Variants in INTU observed in about 807,000 individuals in gnomAD.
INTU encodes the protein protein inturned.
INTU carries 68 observed loss-of-function variants against 100.5 expected under a neutral mutation model. That is an observed-to-expected ratio of 0.68 (90% CI 0.56 to 0.83). The LOEUF (loss-of-function observed/expected upper bound fraction) is 0.83, where lower values mean the gene tolerates loss of function less well. Among genes scored for constraint, INTU ranks in the 40% least tolerant of loss-of-function variants. The pLI, the probability that INTU is intolerant of heterozygous loss-of-function variation, is 0.00. For synonymous variants in INTU, 357 were observed against 395.7 expected, an observed-to-expected ratio of 0.90 and a Z score of 1.16; for missense variants, 1,071 against 1,114.7, an observed-to-expected ratio of 0.96 and a Z score of 0.56.
Position 127,687,771 on chromosome 4 carries a change from C to T in INTU, c.1353C>T (p.Ser451=), listed in dbSNP as rs764005741. ...RALQPAKLHS[S]ASPSAQQYDA... ...TTCAGCCTGCGAAACTGCATTCCAG[C>T]GCCAGTCCCAGTGCTCAGCAGTACG... The change falls in exon 8 of 16, where the codon AGC becomes AGT. Residue 451 remains serine, a synonymous_variant. Coordinates refer to ENST00000335251, the MANE Select transcript of INTU (RefSeq NM_015693.4). The T allele has an allele frequency of 1.3e-5, 21 of 1,613,290 alleles. No individual in the cohort carries two copies. Among genetic ancestry groups the T allele is most frequent in the African/African-American group, 4.0e-5 (3 of 74,892 alleles).
chr4:127,654,201 T>G (rs899516260), intron 2 of INTU, among the ~76,000 whole-genome samples: 59 of 152,060 alleles, frequency 3.9e-4, no homozygotes, highest in African/African-American at 1.4e-3. Flanking sequence ...GTCTTTTAAC[T>G]GGAGCATTTA....
intron 1 of INTU, among the ~76,000 whole-genome samples, chr4:127,638,901 G>A (rs946077182): frequency 2.0e-5 from 3 of 152,072 alleles, no homozygotes; most frequent in Admixed American, 1.3e-4. Flanking sequence ...TTTTGAAGGC[G>A]TATTTATATT....
chr4:127,708,306 G>A (rs1269876591), intron 12 of INTU, among the ~76,000 whole-genome samples: 1 of 152,098 alleles, frequency 6.6e-6, no homozygotes, highest in Admixed American at 6.6e-5. Context: ...TCTAGGGAGG[G>A]GAGACAAGTA....
In INTU at chr4:127,663,632, A is replaced by C; in HGVS notation, c.972+48A>C. The stretch of plus-strand genomic sequence containing the variant: ...AGGAAATAAGTTTAGTCAAAAGCCC[A>C]AAGGAAAAAGTAAGGACCTTTTATC... On this transcript the variant is annotated intron_variant, in intron 4 of 15. Transcript: ENST00000335251. The C allele has an allele frequency of 2.0e-6, 3 of 1,482,256 alleles. No individual in the cohort carries two copies. In the South Asian group the frequency reaches 3.5e-5, roughly 17 times the overall value. 91.8% of individuals were successfully genotyped at this position (1,482,256 alleles called of 1,614,324 possible).
At chr4:127,661,631 A>C (rs1333311999) in intron 3 of INTU, among the ~76,000 whole-genome samples, 1 of 152,104 alleles carries the variant, frequency 6.6e-6, no homozygotes, top group Non-Finnish European at 1.5e-5. Flanking sequence ...CCTAAAGCCC[A>C]ATGCCAGGGG....
intron 8 of INTU, among the ~76,000 whole-genome samples, chr4:127,692,627 G>A (rs1578613081): frequency 1.3e-5 from 2 of 152,108 alleles, no homozygotes; most frequent in East Asian, 1.9e-4. Flanking sequence ...TGTTGCATTT[G>A]CTTTTGGGTT....
intron 4 of INTU, among the ~76,000 whole-genome samples, chr4:127,666,077 T>C (rs1200730456): frequency 1.3e-5 from 2 of 152,216 alleles, no homozygotes; most frequent in African/African-American, 4.8e-5. Context: ...GTTCAGCTTT[T>C]AGTATTCTGT....
At chr4:127,691,210 T>C (rs980761589) in intron 8 of INTU, among the ~76,000 whole-genome samples, 2 of 152,220 alleles carry the variant, frequency 1.3e-5, no homozygotes, top group Admixed American at 6.5e-5. Context: ...TAATGCTGAA[T>C]AGTATTTCAT....
At chr4:127,687,567 A>G in intron 7 of INTU, 111 bp from the exon 8 acceptor site, 1 of 748,010 alleles carries the variant, frequency 1.3e-6, no homozygotes, top group Admixed American at 2.3e-5. Flanking sequence ...GGAAGAGAGG[A>G]GTGAGGAAGA....
intron 4 of INTU, among the ~76,000 whole-genome samples, chr4:127,664,271 G>A (rs1209153496): frequency 6.6e-6 from 1 of 152,016 alleles, no homozygotes; most frequent in Non-Finnish European, 1.5e-5. Flanking sequence ...TAAGTAAAAT[G>A]TTTAAGTTCA....
chr4:127,656,061 A>G lies in INTU; in HGVS notation c.683-575A>G, dbSNP rs187615684. On this transcript the variant is annotated intron_variant, in intron 2 of 15. Transcript: ENST00000335251. ...CCCCTTGCGCTTCCCAAGTGAGGCA[A>G]TGCCTCGCCCTGCTTTGGCTTGCAC... 1.5e-3 allele frequency among the ~76,000 whole-genome samples: 224 copies of G among 152,300 alleles called. 1 individual carries two copies. The East Asian group carries it at 0.015, about 10-fold the overall frequency.
intron 6 of INTU, among the ~76,000 whole-genome samples, chr4:127,679,287 C>G (rs1222625464): frequency 1.3e-5 from 2 of 152,164 alleles, no homozygotes; most frequent in Non-Finnish European, 2.9e-5. Context: ...GACCCCAAAT[C>G]AACAGAATAT....
chr4:127,674,707 T>G (rs1008071903), intron 6 of INTU, among the ~76,000 whole-genome samples: 3 of 152,196 alleles, frequency 2.0e-5, no homozygotes, highest in African/African-American at 7.2e-5. Flanking sequence ...TGTGAGTATT[T>G]TGAAGTATAC....
In INTU at chr4:127,633,013, C is replaced by T; in HGVS notation, c.-22C>T. 6.9e-6 allele frequency: 11 copies of T among 1,604,882 alleles called. No homozygotes were observed. Among genetic ancestry groups the T allele is most frequent in the Non-Finnish European group, 8.5e-6 (10 of 1,173,442 alleles). On this transcript the variant is annotated 5_prime_UTR_variant, in exon 1 of 16. Coordinates refer to ENST00000335251, the MANE Select transcript of INTU (RefSeq NM_015693.4). ...GCTGCGAGATTTGAATTACTCCACT[C>T]GTAGCTATTGCATTCCTGACGATGG...
intron 5 of INTU, among the ~76,000 whole-genome samples, chr4:127,673,921 G>GTT (rs372029639): frequency 7.2e-6 from 1 of 138,856 alleles, no homozygotes; most frequent in African/African-American, 2.6e-5. Context: ...CTGTTTTTTT[G>GTT]TTTTTTTTTT....
At chr4:127,688,386 A>G (rs1201146880) in intron 8 of INTU, among the ~76,000 whole-genome samples, 1 of 152,232 alleles carries the variant, frequency 6.6e-6, no homozygotes, top group Non-Finnish European at 1.5e-5. Flanking sequence ...ATATGATTTT[A>G]GTTATATCTG....
chr4:127,643,518 T>C lies in INTU; in HGVS notation c.147-3T>C, dbSNP rs1464134633. 5 of 1,578,668 alleles carry C rather than the reference T, an allele frequency of 3.2e-6. No individual in the cohort carries two copies. Among genetic ancestry groups the C allele is most frequent in the Non-Finnish European group, 4.3e-6 (5 of 1,168,836 alleles). ...TTAAGATTATCTTTTCTCTCTTTCA[T>C]AGTGATCTTGAGCCTGAATGGCTGG... On this transcript the variant is annotated splice_region_variant and splice_polypyrimidine_tract_variant and intron_variant, in intron 1 of 15. Coordinates refer to ENST00000335251, the MANE Select transcript of INTU (RefSeq NM_015693.4).
intron 5 of INTU, among the ~76,000 whole-genome samples, chr4:127,670,722 T>G (rs906948005): frequency 6.6e-6 from 1 of 151,816 alleles, no homozygotes; most frequent in African/African-American, 2.4e-5. Context: ...CTACAAGGCT[T>G]TCTATAGTAA....
chr4:127,687,701 T>G lies in INTU; in HGVS notation c.1283T>G (p.Val428Gly). The G allele has an allele frequency of 3.1e-6, 5 of 1,612,162 alleles. No homozygotes were observed. The highest frequency in any genetic ancestry group is 4.2e-6 in the Non-Finnish European group (5 of 1,178,524). ...AGTGCCTTTTGCCAGATTGAGAATG[T>G]TCCTCGTTTGGATCATTTTTTTAAC... ...LDSAFCQIENVPRLDHFFNLF... is the reference protein window; with the variant it reads ...LDSAFCQIENGPRLDHFFNLF... The change falls in exon 8 of 16, where the codon GTT becomes GGT. Residue 428 changes from valine to glycine, a missense_variant. Physicochemically the swap from Val to Gly is moderately radical, Grantham distance 109. Coordinates refer to ENST00000335251, the MANE Select transcript of INTU (RefSeq NM_015693.4).
Sources: allele counts gnomAD v4.1 joint callset (sites outside exome capture counted in the v4.1 genomes callset), GRCh38; gene constraint gnomAD v4.1.1; transcripts MANE v1.5; gene names NCBI Gene and HGNC (gene_info 2026-07-23, HGNC 2026-07-21).